Variants in LRP3 observed in about 807,000 individuals in gnomAD.
LRP3 encodes the protein low-density lipoprotein receptor-related protein 3.
Under a neutral mutation model 58.5 loss-of-function variants are expected in LRP3, and 49 were observed. That is an observed-to-expected ratio of 0.84 (90% confidence interval 0.67 to 1.06). The LOEUF is 1.06. Among genes scored for constraint, LRP3 ranks in the 50% least tolerant of loss-of-function variants. The probability of loss-of-function intolerance (pLI) is 0.00; values close to 1 mark genes in which losing one functional copy is unlikely to be tolerated. For missense variants in LRP3, 1,019 were observed against 1,134.2 expected (o/e 0.90, Z 1.46); for synonymous variants, 485 against 492.2 (o/e 0.99, Z 0.20).
rs569997175 is a variant in LRP3, at chr19:33,208,087, G to A, written c.*512G>A. 2.2e-4 allele frequency: 36 copies of A among 165,022 alleles called. No individual in the cohort carries two copies. In the South Asian group the frequency reaches 5.5e-3, roughly 25 times the overall value. The allele number at this position is 165,022 out of a possible 1,614,324, so 10.2% of individuals were successfully genotyped here. A position where few individuals can be genotyped will look rare whatever the true frequency, so the allele number is the denominator to read the frequency against. The stretch of plus-strand genomic sequence containing the variant: ...CCCTCATGCCCCTGGCCAGGCAGGC[G>A]CCCTTTGCCCTCCCTGAAGGTCCAA... On this transcript the variant is annotated 3_prime_UTR_variant, in exon 7 of 7. Transcript: ENST00000253193. The surrounding 1 kb of genome is among the most constrained non-coding windows in gnomAD (Gnocchi z 4.7).
chr19:33,198,818 C>T (rs941816476), intron 2 of LRP3, among the ~76,000 whole-genome samples: 5 of 152,216 alleles, frequency 3.3e-5, no homozygotes, highest in African/African-American at 4.8e-5. Context: ...GCAGCTTCCC[C>T]GGCACGTCTG....
chr19:33,205,207 T>C, intron 4 of LRP3, 39 bp from the exon 5 acceptor site: 1 of 1,585,714 alleles, frequency 6.3e-7, no homozygotes, highest in Non-Finnish European at 8.6e-7. Flanking sequence ...GAGGCTCTTC[T>C]GTCTCCTGAC....
At chr19:33,203,915 C>T (rs969947173) in intron 3 of LRP3, 5 of 152,230 alleles carry the variant, frequency 3.3e-5, no homozygotes, top group Admixed American at 1.3e-4. Flanking sequence ...AGGCAGTGAG[C>T]GGTGGTCCTG....
chr19:33,194,828 G>T lies in LRP3; in HGVS notation c.43G>T (p.Ala15Ser), dbSNP rs1194248044. 5 of 1,098,622 alleles carry T rather than the reference G, an allele frequency of 4.6e-6. No individual in the cohort carries two copies. The highest frequency in any genetic ancestry group is 1.0e-4 in the Admixed American group (2 of 19,324). The allele number at this position is 1,098,622 out of a possible 1,614,324, so 68.1% of individuals were successfully genotyped here. ...AAAGLEGAPG[A>S]RAQLAVVCLV... ...CGCGGGGCTGGAGGGCGCGCCGGGCGCCCGGGCGCAGCTGGCCGTCGTCTG... is the reference window on the plus strand; with the variant it reads ...CGCGGGGCTGGAGGGCGCGCCGGGCTCCCGGGCGCAGCTGGCCGTCGTCTG... The change falls in exon 1 of 7, where the codon GCC (alanine) becomes TCC (serine). Residue 15 changes from alanine (A) to serine (S), a missense_variant. This residue lies in a region of LRP3 where 592 missense variants were observed against 725.5 expected (regional missense o/e 0.82). Transcript: ENST00000253193.
rs1599941988 is a variant in LRP3, at chr19:33,208,503, T to C, written c.*928T>C. The C allele has an allele frequency of 3.3e-6, 1 of 298,596 alleles. No homozygotes were observed. The highest frequency in any genetic ancestry group is 6.5e-6 in the Non-Finnish European group (1 of 154,816). The allele number at this position is 298,596 out of a possible 1,614,324, so 18.5% of individuals were successfully genotyped here. A position where few individuals can be genotyped will look rare whatever the true frequency, so the allele number is the denominator to read the frequency against. ...TAGGGCAGGGGGACTCTGGGTGCCA[T>C]GGTAGGGAGCGCCTGTGTCAAGCAG... On this transcript the variant is annotated 3_prime_UTR_variant, in exon 7 of 7. Coordinates refer to ENST00000253193, the MANE Select transcript of LRP3 (RefSeq NM_002333.4). This position sits in a 1 kb window ranked among gnomAD's most constrained non-coding sequence, Gnocchi z 4.7.
Position 33,207,288 on chromosome 19 carries a change from G to A in LRP3, c.2026G>A (p.Glu676Lys). 6.4e-7 allele frequency: 1 copy of A among 1,559,524 alleles called. No homozygotes were observed. The highest frequency in any genetic ancestry group is 8.6e-7 in the Non-Finnish European group (1 of 1,160,638). Reference protein sequence around the residue: ...RPPSAPGRAPEVGPSGPPLPS... With the variant: ...RPPSAPGRAPKVGPSGPPLPS... ...CCCCAGTGCCCCCGGCCGTGCACCGGAGGTGGGACCTTCAGGGCCACCCTT... is the reference window on the plus strand; with the variant it reads ...CCCCAGTGCCCCCGGCCGTGCACCGAAGGTGGGACCTTCAGGGCCACCCTT... Residue 676 changes from glutamate to lysine, a missense_variant, in exon 7 of 7, where the codon GAG becomes AAG. This residue lies in a region of LRP3 where 427 missense variants were observed against 408.6 expected (regional missense o/e 1.04). Coordinates refer to ENST00000253193, the MANE Select transcript of LRP3 (RefSeq NM_002333.4).
chr19:33,206,853 T>C, intron 6 of LRP3, 120 bp downstream of exon 6: 1 of 1,262,572 alleles, frequency 7.9e-7, no homozygotes, highest in Non-Finnish European at 1.1e-6. Context: ...TGAGGGCCCA[T>C]GGCCAGGTGG....
At position 33,207,692 on chromosome 19, in the gene LRP3, A is replaced by G; in HGVS notation, c.*117A>G. 1 of 808,654 alleles carries G rather than the reference A, an allele frequency of 1.2e-6. No individual in the cohort carries two copies. The highest frequency in any genetic ancestry group is 1.7e-5 in the African/African-American group (1 of 58,560). The allele number at this position is 808,654 out of a possible 1,614,324, so 50.1% of individuals were successfully genotyped here. On this transcript the variant is annotated 3_prime_UTR_variant, in exon 7 of 7. Coordinates refer to ENST00000253193, the MANE Select transcript of LRP3 (RefSeq NM_002333.4). ...AGAGGCCCTCCGGGGACCCCAGCGG[A>G]GGGGCTGGCCCCTAAGCCAGCTGGC...
In LRP3 at chr19:33,194,362, C is replaced by T. The variant is rs1169730386; in HGVS notation, c.-424C>T. ...CCACGGACGCTCTACCGGCGGCACC[C>T]GGCCGGGCGGGCTGGGCGCAGCGCG... On this transcript the variant is annotated 5_prime_UTR_variant, in exon 1 of 7. Transcript: ENST00000253193. Among the ~76,000 whole-genome samples, 2 of 144,968 alleles carry T rather than the reference C, an allele frequency of 1.4e-5. No individual in the cohort carries two copies. Among genetic ancestry groups the T allele is most frequent in the Non-Finnish European group, 3.1e-5 (2 of 65,400 alleles).
At chr19:33,206,397 T>C in intron 5 of LRP3, 35 bp downstream of exon 5, 1 of 1,601,338 alleles carries the variant, frequency 6.2e-7, no homozygotes, top group Non-Finnish European at 8.5e-7. Flanking sequence ...GGACCGGGCT[T>C]CTTCATCACC....
intron 1 of LRP3, 35 bp downstream of exon 1, chr19:33,194,893 C>G (rs1382291597): frequency 9.3e-7 from 1 of 1,069,814 alleles, no homozygotes; most frequent in Non-Finnish European, 1.1e-6. Flanking sequence ...AGGTCCGGGT[C>G]CCCCGCATGG....
intron 6 of LRP3, 29 bp downstream of exon 6, chr19:33,206,762 C>CT (rs1974418229): frequency 6.6e-7 from 1 of 1,504,184 alleles, no homozygotes; most frequent in African/African-American, 1.4e-5. Context: ...TGAGGCCCCT[C>CT]CGGGGCCACT....
chr19:33,194,981 G>A, intron 1 of LRP3, 123 bp downstream of exon 1: 1 of 312,056 alleles, frequency 3.2e-6, no homozygotes, highest in Non-Finnish European at 4.8e-6. Flanking sequence ...CTCCCGCGCG[G>A]AGACCCAGAG....
Position 33,207,790 on chromosome 19 carries a change from G to T in LRP3, c.*215G>T. ...AGTGGAGTGGTGAGCCCGTCTGCAGGGTCCCATTGTACACAAGCACCCTGG... is the reference window on the plus strand; with the variant it reads ...AGTGGAGTGGTGAGCCCGTCTGCAGTGTCCCATTGTACACAAGCACCCTGG... On this transcript the variant is annotated 3_prime_UTR_variant, in exon 7 of 7. Transcript: ENST00000253193. The T allele has an allele frequency of 1.7e-6, 1 of 577,632 alleles. No homozygotes were observed. Among genetic ancestry groups the T allele is most frequent in the Non-Finnish European group, 3.1e-6 (1 of 325,518 alleles). 35.8% of individuals were successfully genotyped at this position (577,632 alleles called of 1,614,324 possible).
chr19:33,196,482 C>T (rs1462818539), intron 1 of LRP3, among the ~76,000 whole-genome samples: 2 of 152,176 alleles, frequency 1.3e-5, no homozygotes, highest in Non-Finnish European at 2.9e-5. Context: ...TGCTTGAGCT[C>T]GGGAGTTTGA....
chr19:33,205,531 G>T lies in LRP3; in HGVS notation c.761G>T (p.Cys254Phe). The T allele has an allele frequency of 6.4e-7, 1 of 1,572,392 alleles. No individual in the cohort carries two copies. Residue 254 changes from cysteine to phenylalanine, a missense_variant, in exon 5 of 7, where the codon TGC (cysteine) becomes TTC (phenylalanine). Around this residue, in one of 2 missense-constraint regions of LRP3, gnomAD observed 592 missense variants for 725.5 expected, o/e 0.82. Transcript: ENST00000253193. Reference sequence around the variant, plus strand: ...GAGGCGGGCTGCCCCGACCTGGCGTGCGGCCGGCGGCTGGGCAGCTTCTAC... The same window carrying T: ...GAGGCGGGCTGCCCCGACCTGGCGTTCGGCCGGCGGCTGGGCAGCTTCTAC... Reference protein sequence around the residue: ...SDEAGCPDLACGRRLGSFYGS... With the variant: ...SDEAGCPDLAFGRRLGSFYGS...
Position 33,207,671 on chromosome 19 carries a change from G to GC in LRP3, c.*99dup, listed in dbSNP as rs1974441538. ...CCTCTGCGTCCTTTCTTATGGAGAG[G>GC]CCCTCCGGGGACCCCAGCGGAGGGG... On this transcript the variant is annotated 3_prime_UTR_variant, in exon 7 of 7. Transcript: ENST00000253193. The GC allele has an allele frequency of 1.4e-5, 14 of 1,003,798 alleles. No homozygotes were observed. The highest frequency in any genetic ancestry group is 1.9e-5 in the Non-Finnish European group (13 of 670,736). 62.2% of individuals were successfully genotyped at this position (1,003,798 alleles called of 1,614,324 possible). A position where few individuals can be genotyped will look rare whatever the true frequency, so the allele number is the denominator to read the frequency against.
chr19:33,208,862 A>G lies in LRP3; in HGVS notation c.*1287A>G. On this transcript the variant is annotated 3_prime_UTR_variant, in exon 7 of 7. Coordinates refer to ENST00000253193, the MANE Select transcript of LRP3 (RefSeq NM_002333.4). The surrounding 1 kb of genome is among the most constrained non-coding windows in gnomAD (Gnocchi z 4.7). Reference sequence around the variant, plus strand: ...TCCTCAATAAACAACATGTAAACAGAAACAACTGCTTCAGTCTCTACAAAA... The same window carrying G: ...TCCTCAATAAACAACATGTAAACAGGAACAACTGCTTCAGTCTCTACAAAA... 6.2e-7 allele frequency: 1 copy of G among 1,613,998 alleles called. No individual in the cohort carries two copies. The highest frequency in any genetic ancestry group is 8.5e-7 in the Non-Finnish European group (1 of 1,180,014).
In LRP3 at chr19:33,198,968, G is replaced by A. The variant is rs556986125; in HGVS notation, c.121+2191G>A. Among the ~76,000 whole-genome samples, 29 of 152,268 alleles carry A rather than the reference G, an allele frequency of 1.9e-4. No homozygotes were observed. The East Asian group carries it at 5.4e-3, about 28-fold the overall frequency. On this transcript the variant is annotated intron_variant, in intron 2 of 6. Coordinates refer to ENST00000253193, the MANE Select transcript of LRP3 (RefSeq NM_002333.4). ...TCTCAGGAATATTTGATGACTCTTT[G>A]GACCAGGAAAGGACACTGGCCCGAA... is the stretch of plus-strand genomic sequence containing the variant.
Sources: allele counts gnomAD v4.1 joint callset (sites outside exome capture counted in the v4.1 genomes callset), GRCh38; gene constraint gnomAD v4.1.1; regional missense constraint gnomAD v4.1.1; non-coding constraint Gnocchi (gnomAD v3.1); transcripts MANE v1.5; gene names NCBI Gene and HGNC (gene_info 2026-07-23, HGNC 2026-07-21).